KIF9: variants seen among roughly 807,000 people sequenced by gnomAD.
KIF9 encodes the protein kinesin family member 9.
KIF9 carries 68 observed loss-of-function variants against 94.8 expected under a neutral mutation model. That is an observed-to-expected ratio of 0.72 (90% CI 0.59 to 0.88). The LOEUF (loss-of-function observed/expected upper bound fraction) is 0.88. Ranked by LOEUF, KIF9 falls within the 40% of genes least tolerant of loss-of-function variation. The probability of loss-of-function intolerance (pLI) is 0.00; values close to 1 mark genes in which losing one functional copy is unlikely to be tolerated. For missense variants in KIF9, 882 were observed against 982.5 expected (o/e 0.90, Z 1.37); for synonymous variants, 343 against 362.1 (o/e 0.95, Z 0.60).
chr3:47,242,896 T>C (rs1011784486), intron 16 of KIF9, 155 bp downstream of exon 16: 1 of 581,080 alleles, frequency 1.7e-6, no homozygotes, highest in South Asian at 3.4e-5. Context: ...ATTTTGCAGA[T>C]GCATAAGTCA....
chr3:47,257,686 G>C, intron 9 of KIF9, 126 bp from the exon 10 acceptor site: 3 of 753,966 alleles, frequency 4.0e-6, no homozygotes, highest in Non-Finnish European at 6.6e-6. Flanking sequence ...ACCCATGTTG[G>C]TTCCCTTCCC....
chr3:47,266,006 G>C (rs1447400272), intron 7 of KIF9, 129 bp from the exon 8 acceptor site: 40 of 908,402 alleles, frequency 4.4e-5, no homozygotes, highest in Non-Finnish European at 6.4e-5. Flanking sequence ...CCAGAACCAG[G>C]GTCTTCTTTC....
intron 1 of KIF9, among the ~76,000 whole-genome samples, chr3:47,279,027 G>A (rs560729513): frequency 2.6e-5 from 4 of 151,960 alleles, no homozygotes; most frequent in South Asian, 2.1e-4. Context: ...AAGCATGGTG[G>A]TGCATGCCTA....
intron 10 of KIF9, among the ~76,000 whole-genome samples, chr3:47,252,799 G>C (rs892071183): frequency 6.6e-6 from 1 of 152,044 alleles, no homozygotes; most frequent in Non-Finnish European, 1.5e-5. Context: ...AGGCTCACGA[G>C]GTCAGGAGTT....
At position 47,273,582 on chromosome 3, in the gene KIF9, G is replaced by T; in HGVS notation, c.336C>A (p.His112Gln). The T allele has an allele frequency of 6.2e-7, 1 of 1,612,378 alleles. No individual in the cohort carries two copies. Among genetic ancestry groups the T allele is most frequent in the Non-Finnish European group, 8.5e-7 (1 of 1,179,056 alleles). The change falls in exon 4 of 21, where the codon CAC becomes CAA. Residue 112 changes from histidine (H) to glutamine (Q), a missense_variant. By Grantham distance (24) the His-to-Gln change is conservative. Transcript: ENST00000684063. ...GCAGGGCACGAGGGAGGATCCCCCG[G>T]TGCTTGTAATTCTCAGTTGCCCCCA... ...TMMGATENYK[H>Q]RGILPRALQQ...
intron 1 of KIF9, among the ~76,000 whole-genome samples, chr3:47,280,140 T>C (rs1344530386): frequency 6.6e-6 from 1 of 151,966 alleles, no homozygotes; most frequent in Non-Finnish European, 1.5e-5. Context: ...TGCAATTTTG[T>C]AGAGATGGGG....
At chr3:47,256,445 C>T (rs923870199) in intron 10 of KIF9, among the ~76,000 whole-genome samples, 3 of 151,804 alleles carry the variant, frequency 2.0e-5, no homozygotes, top group East Asian at 1.9e-4. Context: ...CATCTCCGCC[C>T]GGCAGCCACC....
At chr3:47,266,939 G>A (rs747918256) in intron 7 of KIF9, 37 bp downstream of exon 7, 12 of 1,487,208 alleles carry the variant, frequency 8.1e-6, no homozygotes, top group Non-Finnish European at 9.4e-6. Context: ...AGGGCTTGTG[G>A]TTTATTGAGT....
intron 8 of KIF9, among the ~76,000 whole-genome samples, chr3:47,265,182 G>A (rs1701214548): frequency 6.6e-6 from 1 of 152,198 alleles, no homozygotes; most frequent in Admixed American, 6.5e-5. Flanking sequence ...GTACCTAAAA[G>A]AGGATCCAGG....
At chr3:47,253,376 G>A (rs1474086242) in intron 10 of KIF9, among the ~76,000 whole-genome samples, 1 of 151,902 alleles carries the variant, frequency 6.6e-6, no homozygotes, top group African/African-American at 2.4e-5. Context: ...GGCTGGTCTC[G>A]CACTCCTGGC....
At chr3:47,248,115 C>T (rs749860475) in intron 10 of KIF9, 29 bp from the exon 11 acceptor site, 70 of 1,560,618 alleles carry the variant, frequency 4.5e-5, no homozygotes, top group Middle Eastern at 1.7e-4. Flanking sequence ...GGGTGGGGGC[C>T]GACAGGAAGG....
In KIF9 at chr3:47,234,541, C is replaced by T. The variant is rs190767758; in HGVS notation, c.2322+972G>A. Among the ~76,000 whole-genome samples, 177 of 133,760 alleles carry T rather than the reference C, an allele frequency of 1.3e-3. 2 individuals are homozygous for T. The highest frequency in any genetic ancestry group is 4.6e-3 in the African/African-American group (167 of 36,062). 87.8% of individuals were successfully genotyped at this position (133,760 alleles called of 152,430 possible). A position where few individuals can be genotyped will look rare whatever the true frequency, so the allele number is the denominator to read the frequency against. Reference sequence around the variant, plus strand: ...GAGCCACCGTGCCCAGCCAGAGCCACTGTGCCCAGCATTTTTTTTTTCTTT... The same window carrying T: ...GAGCCACCGTGCCCAGCCAGAGCCATTGTGCCCAGCATTTTTTTTTTCTTT... On this transcript the variant is annotated intron_variant, in intron 20 of 20. Transcript: ENST00000684063.
At chr3:47,275,512 G>A in intron 2 of KIF9, 22 bp from the exon 3 acceptor site, 2 of 1,572,430 alleles carry the variant, frequency 1.3e-6, no homozygotes, top group Admixed American at 1.9e-5. Flanking sequence ...GAGTGAGAAA[G>A]AAAAAAATGT....
chr3:47,230,146 C>T (rs1407178838), intron 20 of KIF9, among the ~76,000 whole-genome samples: 1 of 152,192 alleles, frequency 6.6e-6, no homozygotes, highest in East Asian at 1.9e-4. Context: ...GGCACAGGGG[C>T]TCACGCCCAT....
rs1162509971 is a variant in KIF9, at chr3:47,271,292, C to A, written c.536G>T (p.Gly179Val). 1 of 1,614,076 alleles carries A rather than the reference C, an allele frequency of 6.2e-7. No individual in the cohort carries two copies. ...VENPQGVFIKGLSVHLTSQEE... is the reference protein window; with the variant it reads ...VENPQGVFIKVLSVHLTSQEE... ...CTGACTTGTGAGGTGAACTGACAAG[C>A]CCTTAATGAAGACTCCTTGAGGGTT... The change falls in exon 5 of 21, where the codon GGC becomes GTC. Residue 179 changes from glycine (G) to valine (V), a missense_variant. Gly to Val is a moderately radical substitution (Grantham distance 109). Coordinates refer to ENST00000684063, the MANE Select transcript of KIF9 (RefSeq NM_182902.4).
Position 47,282,548 on chromosome 3 carries a change from T to A in KIF9, c.-59A>T. The A allele has an allele frequency of 9.9e-7, 1 of 1,012,890 alleles. No individual in the cohort carries two copies. Among genetic ancestry groups the A allele is most frequent in the South Asian group, 3.7e-5 (1 of 26,700 alleles). The allele number at this position is 1,012,890 out of a possible 1,614,324, so 62.7% of individuals were successfully genotyped here. On this transcript the variant is annotated 5_prime_UTR_variant, in exon 1 of 21. Coordinates refer to ENST00000684063, the MANE Select transcript of KIF9 (RefSeq NM_182902.4). ...CGCGACTGCCGCAACCGAAACCACC[T>A]GCACTCCCCACGCGGGGCTGCCTGG...
At chr3:47,262,843 C>A (rs1701067634) in intron 9 of KIF9, among the ~76,000 whole-genome samples, 1 of 152,196 alleles carries the variant, frequency 6.6e-6, no homozygotes, top group South Asian at 2.1e-4. Flanking sequence ...CCTTAAACAT[C>A]CACACTTGAA....
At chr3:47,233,222 G>A (rs921108163) in intron 20 of KIF9, among the ~76,000 whole-genome samples, 1 of 151,148 alleles carries the variant, frequency 6.6e-6, no homozygotes, top group African/African-American at 2.4e-5. Context: ...AATTAGCTGA[G>A]TGTGGTTGCG....
intron 16 of KIF9, among the ~76,000 whole-genome samples, chr3:47,241,659 A>ATG (rs141584824): frequency 0.33 from 48,823 of 147,384 alleles, 8,548 homozygotes; most frequent in Middle Eastern, 0.47. Flanking sequence ...GTATATATAT[A>ATG]TGTGTGTGTG....
Sources: gnomAD v4.1 joint callset for allele counts (sites outside exome capture counted in the v4.1 genomes callset) on GRCh38, gnomAD v4.1.1 for gene constraint, MANE v1.5 for transcripts, NCBI Gene and HGNC (gene_info 2026-07-23, HGNC 2026-07-21) for gene names.